The following PTPRM variants were observed in gnomAD, a reference collection of about 807,000 sequenced individuals.
PTPRM encodes protein tyrosine phosphatase receptor type M.
Under a neutral mutation model 186.7 loss-of-function variants are expected in PTPRM, and 47 were observed. The observed-to-expected ratio is 0.25, with a 90% CI of 0.20 to 0.32. The LOEUF is 0.32. Ranked by LOEUF, PTPRM falls within the 10% of genes least tolerant of loss-of-function variation. The probability of loss-of-function intolerance (pLI) is 1.00; values close to 1 mark genes in which losing one functional copy is unlikely to be tolerated. For synonymous variants in PTPRM, 668 were observed against 674.9 expected (o/e 0.99, Z 0.16); for missense variants, 1,494 against 1,865.0 (o/e 0.80, Z 3.66).
chr18:7,697,087 A>G (rs2039860794), intron 1 of PTPRM, among the ~76,000 whole-genome samples: 2 of 152,224 alleles, frequency 1.3e-5, no homozygotes. Flanking sequence ...TTGTTAGCAT[A>G]TACCAAACAG....
chr18:8,252,489 G>A lies in PTPRM; in HGVS notation c.2556G>A (p.Val852=). 6.5e-7 allele frequency: 1 copy of A among 1,547,256 alleles called. No homozygotes were observed. The highest frequency in any genetic ancestry group is 1.7e-5 in the Admixed American group (1 of 59,908). Residue 852 remains valine, a splice_region_variant and synonymous_variant, in exon 18 of 33, where the codon GTG becomes GTA. Coordinates refer to ENST00000580170, the MANE Select transcript of PTPRM (RefSeq NM_001105244.2). ...PDPFVPTAIL[V]PINDETHTMA... ...TCCTGATATGTATCTTCTTAAAAGTGCCAATAAATGGTAAGTTCCCCGATT... is the reference window on the plus strand; with the variant it reads ...TCCTGATATGTATCTTCTTAAAAGTACCAATAAATGGTAAGTTCCCCGATT...
intron 7 of PTPRM, among the ~76,000 whole-genome samples, chr18:7,984,155 G>A (rs2082705317): frequency 6.6e-6 from 1 of 152,114 alleles, no homozygotes; most frequent in Non-Finnish European, 1.5e-5. Flanking sequence ...CAAGGGCAGT[G>A]ATGACTGCTG....
chr18:8,098,989 C>T (rs981021346), intron 11 of PTPRM, among the ~76,000 whole-genome samples: 2 of 152,164 alleles, frequency 1.3e-5, no homozygotes, highest in African/African-American at 4.8e-5. Flanking sequence ...CTCCCTTCCA[C>T]CTGTAAATAT....
intron 7 of PTPRM, among the ~76,000 whole-genome samples, chr18:8,049,606 G>A (rs1261611131): frequency 6.6e-6 from 1 of 151,870 alleles, no homozygotes; most frequent in Non-Finnish European, 1.5e-5. Flanking sequence ...GATGAGATAT[G>A]TAACTTGATG....
At chr18:8,195,905 CA>C (rs978567922) in intron 14 of PTPRM, among the ~76,000 whole-genome samples, 2 of 152,100 alleles carry the variant, frequency 1.3e-5, no homozygotes, top group South Asian at 4.2e-4. Context: ...AAAATAAAGA[CA>C]AAAAAATCAA....
At chr18:7,785,610 C>T (rs913597954) in intron 2 of PTPRM, among the ~76,000 whole-genome samples, 10 of 152,184 alleles carry the variant, frequency 6.6e-5, no homozygotes, top group African/African-American at 2.2e-4. Context: ...ACACCGACTT[C>T]GTGTCATGCC....
chr18:7,918,562 T>G (rs543455297), intron 4 of PTPRM, among the ~76,000 whole-genome samples: 2 of 152,282 alleles, frequency 1.3e-5, no homozygotes, highest in Admixed American at 6.5e-5. Context: ...TTAGAGGCTC[T>G]TACTTAACAA....
chr18:7,809,000 T>C (rs1198637399), intron 2 of PTPRM, among the ~76,000 whole-genome samples: 2 of 152,176 alleles, frequency 1.3e-5, no homozygotes, highest in Admixed American at 1.3e-4. Flanking sequence ...GAGTACCTGC[T>C]CTAAGTCAGA....
intron 29 of PTPRM, among the ~76,000 whole-genome samples, chr18:8,381,512 C>T (rs2095736015): frequency 6.6e-6 from 1 of 152,120 alleles, no homozygotes; most frequent in South Asian, 2.1e-4. Flanking sequence ...TTAATTATGT[C>T]TGAGGCACTG....
At chr18:7,961,810 A>C (rs1247045361) in intron 7 of PTPRM, among the ~76,000 whole-genome samples, 1 of 140,806 alleles carries the variant, frequency 7.1e-6, no homozygotes, top group African/African-American at 2.6e-5. Context: ...TGTTTTTATA[A>C]CTTCCATTTT....
chr18:8,043,135 C>G (rs2148182684), intron 7 of PTPRM, among the ~76,000 whole-genome samples: 1 of 152,276 alleles, frequency 6.6e-6, no homozygotes, highest in Non-Finnish European at 1.5e-5. Flanking sequence ...GCACCTAGTT[C>G]CCTTGCTTCT....
intron 23 of PTPRM, among the ~76,000 whole-genome samples, chr18:8,350,026 G>A (rs1036229961): frequency 6.6e-6 from 1 of 152,174 alleles, no homozygotes; most frequent in Non-Finnish European, 1.5e-5. Context: ...CAGGTTGAAG[G>A]TTCAGGGCCT....
chr18:7,727,459 G>T (rs1568057835), intron 1 of PTPRM, among the ~76,000 whole-genome samples: 1 of 152,140 alleles, frequency 6.6e-6, no homozygotes, highest in South Asian at 2.1e-4. Flanking sequence ...TATATACTCA[G>T]ATAAATTTTT....
chr18:7,815,292 C>T (rs1452307151), intron 2 of PTPRM: 1 of 152,232 alleles, frequency 6.6e-6, no homozygotes, highest in African/African-American at 2.4e-5. Flanking sequence ...ATCTCCCATT[C>T]TCCTCTGCCG....
At chr18:8,172,821 C>G (rs1197787697) in intron 14 of PTPRM, among the ~76,000 whole-genome samples, 1 of 152,154 alleles carries the variant, frequency 6.6e-6, no homozygotes, top group Non-Finnish European at 1.5e-5. Flanking sequence ...ATCTCACCAG[C>G]AAACACCATG....
chr18:8,226,392 A>G (rs1435508957), intron 14 of PTPRM, among the ~76,000 whole-genome samples: 2 of 152,182 alleles, frequency 1.3e-5, no homozygotes, highest in African/African-American at 2.4e-5. Context: ...GTTCTGCAAT[A>G]TAGCTAGTTC....
At chr18:7,647,613 C>T (rs935641650) in intron 1 of PTPRM, among the ~76,000 whole-genome samples, 2 of 152,210 alleles carry the variant, frequency 1.3e-5, no homozygotes, top group Admixed American at 6.5e-5. Flanking sequence ...TGTAAGGCTA[C>T]GCTGGTGTGT....
At chr18:7,752,404 T>C (rs1220063902) in intron 1 of PTPRM, among the ~76,000 whole-genome samples, 1 of 152,014 alleles carries the variant, frequency 6.6e-6, no homozygotes, top group Non-Finnish European at 1.5e-5. Flanking sequence ...ATGACAGTAA[T>C]GGTTAGTTTT....
In PTPRM at chr18:7,760,175, T is replaced by C. The variant is rs76692831; in HGVS notation, c.74-13974T>C. On this transcript the variant is annotated intron_variant, in intron 1 of 32. Transcript: ENST00000580170. ...ATTGAGCTTAGCCATCCTTCTTGCT[T>C]GTATATTTAACATTATTTTATTTAG... 1.0e-3 allele frequency among the ~76,000 whole-genome samples: 157 copies of C among 152,346 alleles called. 3 individuals carry two copies. The East Asian group carries it at 0.016, about 16-fold the overall frequency.
Sources: gnomAD v4.1 joint callset for allele counts (sites outside exome capture counted in the v4.1 genomes callset) on GRCh38, gnomAD v4.1.1 for gene constraint, MANE v1.5 for transcripts, NCBI Gene and HGNC (gene_info 2026-07-23, HGNC 2026-07-21) for gene names.